OGFOD3: variants seen among roughly 807,000 people sequenced by gnomAD.
The protein encoded by OGFOD3 is 2-oxoglutarate and iron-dependent oxygenase domain-containing protein 3.
A neutral mutation model predicts 39.8 loss-of-function variants in OGFOD3; 35 were observed. That is an observed-to-expected ratio of 0.88 (90% CI 0.67 to 1.17). OGFOD3 has a LOEUF of 1.17. Ranked by LOEUF, OGFOD3 falls within the 50% of genes most tolerant of loss-of-function variation. OGFOD3 has a pLI of 0.00. For missense variants in OGFOD3, 438 were observed against 454.5 expected (o/e 0.96, Z 0.33); for synonymous variants, 200 against 192.0 (o/e 1.04, Z -0.34).
In OGFOD3 at chr17:82,406,073, C is replaced by T. The variant is rs1266039796; in HGVS notation, c.488+345G>A. Among the ~76,000 whole-genome samples, 1 of 152,172 alleles carries T rather than the reference C, an allele frequency of 6.6e-6. No individual in the cohort carries two copies. The highest frequency in any genetic ancestry group is 2.4e-5 in the African/African-American group (1 of 41,440). The stretch of plus-strand genomic sequence containing the variant: ...GCTCTCCCGGCCCCTCATGGAGCGT[C>T]AAAGGCCCCGTTGGATTCTTGGAAG... On this transcript the variant is annotated intron_variant, in intron 5 of 8. Coordinates refer to ENST00000313056, the MANE Select transcript of OGFOD3 (RefSeq NM_024648.3). The surrounding 1 kb of genome is among the most constrained non-coding windows in gnomAD (Gnocchi z 5.2).
At chr17:82,413,050 A>G (rs1221772364) in intron 2 of OGFOD3, among the ~76,000 whole-genome samples, 2 of 152,234 alleles carry the variant, frequency 1.3e-5, no homozygotes, top group Admixed American at 1.3e-4. Context: ...ACTTGGCTGA[A>G]TATCAGGGAA....
chr17:82,398,077 G>A (rs1480093638), intron 8 of OGFOD3, 119 bp downstream of exon 8: 4 of 1,294,208 alleles, frequency 3.1e-6, no homozygotes, highest in Non-Finnish European at 4.4e-6. Flanking sequence ...CTCAGCACCG[G>A]CCCGGCACAC....
intron 8 of OGFOD3, chr17:82,396,721 TGTGA>T (rs2052679213): frequency 6.6e-6 from 1 of 152,296 alleles, no homozygotes; most frequent in Non-Finnish European, 1.5e-5. Context: ...TCTTGTGCTC[TGTGA>T]GTTTTTCATT....
At position 82,404,232 on chromosome 17, in the gene OGFOD3, C is replaced by A; in HGVS notation, c.546-142G>T. On this transcript the variant is annotated intron_variant, in intron 6 of 8. Transcript: ENST00000313056. The surrounding 1 kb of genome is among the most constrained non-coding windows in gnomAD (Gnocchi z 4.5). ...CGGGGGCTCCCAAGCACACCGGGAA[C>A]AGATACCGGCTCCGCCTGGGAACGA... 2 of 938,290 alleles carry A rather than the reference C, an allele frequency of 2.1e-6. No individual in the cohort carries two copies. The highest frequency in any genetic ancestry group is 3.1e-6 in the Non-Finnish European group (2 of 647,200). 58.1% of individuals were successfully genotyped at this position (938,290 alleles called of 1,614,324 possible). A position where few individuals can be genotyped will look rare whatever the true frequency, so the allele number is the denominator to read the frequency against.
At chr17:82,394,819 G>A (rs1159068305) in intron 8 of OGFOD3, among the ~76,000 whole-genome samples, 4 of 152,306 alleles carry the variant, frequency 2.6e-5, no homozygotes, top group African/African-American at 4.8e-5. Flanking sequence ...GAGGCCAGCC[G>A]TGCCTGCACC....
chr17:82,418,456 CT>C lies in OGFOD3; in HGVS notation c.29del (p.Lys10ArgfsTer35), dbSNP rs1436596341. The C allele has an allele frequency of 6.1e-6, 9 of 1,475,922 alleles. No individual in the cohort carries two copies. In the East Asian group the frequency reaches 2.4e-4, roughly 39 times the overall value. The allele number at this position is 1,475,922 out of a possible 1,614,324, so 91.4% of individuals were successfully genotyped here. A position where few individuals can be genotyped will look rare whatever the true frequency, so the allele number is the denominator to read the frequency against. MAPQRRAAT[K>X]APEGNGAAER... ...CGGCCGCTCCGTTGCCCTCGGGCGC[CT>C]TGGTTGCGGCCCTCCGCTGAGGAGC... On this transcript the variant is annotated frameshift_variant, in exon 1 of 9. Transcript: ENST00000313056. LOFTEE classifies it high-confidence loss of function.
chr17:82,409,291 G>A, intron 4 of OGFOD3, 77 bp downstream of exon 4: 1 of 1,472,404 alleles, frequency 6.8e-7, no homozygotes, highest in South Asian at 1.1e-5. Flanking sequence ...CTGCATGTCT[G>A]TGCCTTCCCC....
chr17:82,403,777 C>T lies in OGFOD3; in HGVS notation c.699+160G>A, dbSNP rs1160456292. On this transcript the variant is annotated intron_variant, in intron 7 of 8. Transcript: ENST00000313056. ...TCCACATGCGCGCTCACCCTGCCCA[C>T]GTGCGTACTCACCCTGCCCACGTAC... The T allele has an allele frequency of 5.3e-6, 5 of 951,532 alleles. No homozygotes were observed. The East Asian group carries it at 8.0e-5, about 15-fold the overall frequency. 58.9% of individuals were successfully genotyped at this position (951,532 alleles called of 1,614,324 possible). A position where few individuals can be genotyped will look rare whatever the true frequency, so the allele number is the denominator to read the frequency against.
At chr17:82,399,940 C>T (rs980843896) in intron 7 of OGFOD3, among the ~76,000 whole-genome samples, 2 of 152,184 alleles carry the variant, frequency 1.3e-5, no homozygotes, top group Non-Finnish European at 2.9e-5. Flanking sequence ...CGCACCAGCG[C>T]GGAACTGGAC....
intron 8 of OGFOD3, chr17:82,394,634 C>T: frequency 9.5e-7 from 1 of 1,057,136 alleles, no homozygotes; most frequent in South Asian, 1.7e-5. Context: ...AGAGGCCTGG[C>T]CTTTGCCCCG....
At chr17:82,397,181 A>C (rs114998623) in intron 8 of OGFOD3, among the ~76,000 whole-genome samples, 1,711 of 152,076 alleles carry the variant, frequency 0.011, 32 homozygotes, top group African/African-American at 0.037. Flanking sequence ...CAAAATAAAC[A>C]AGCTGGAGAT....
intron 4 of OGFOD3, among the ~76,000 whole-genome samples, chr17:82,407,673 G>A (rs923823843): frequency 4.6e-5 from 7 of 152,172 alleles, no homozygotes; most frequent in Non-Finnish European, 8.8e-5. Context: ...CTGGCCCTGC[G>A]GCACTAACCT....
chr17:82,415,663 GGAGT>G lies in OGFOD3; in HGVS notation c.75-40_75-37del, dbSNP rs1567876430. 1 of 1,554,820 alleles carries G rather than the reference GGAGT, an allele frequency of 6.4e-7. No individual in the cohort carries two copies. Among genetic ancestry groups the G allele is most frequent in the African/African-American group, 1.4e-5 (1 of 73,456 alleles). ...AAAACAGGCCACGTCACCCAAACAC[GGAGT>G]GAGGCCAGAGAAAACGCTCCCCGAT... On this transcript the variant is annotated intron_variant, in intron 1 of 8. Transcript: ENST00000313056. This position sits in a 1 kb window ranked among gnomAD's most constrained non-coding sequence, Gnocchi z 5.3.
chr17:82,398,015 C>A (rs370675125), intron 8 of OGFOD3, among the ~76,000 whole-genome samples, 181 bp downstream of exon 8: 1 of 152,100 alleles, frequency 6.6e-6, no homozygotes, highest in African/African-American at 2.4e-5. Flanking sequence ...ACATGTGGCC[C>A]CGTAGACACC....
intron 2 of OGFOD3, among the ~76,000 whole-genome samples, chr17:82,414,042 C>CCACCTCCA (rs1240562983): frequency 3.3e-5 from 5 of 152,196 alleles, no homozygotes; most frequent in African/African-American, 9.7e-5. Flanking sequence ...GTCACTAGCA[C>CCACCTCCA]CACCTCCAGA....
rs192908926 is a variant in OGFOD3 at position 82,413,297 on chromosome 17, C to T, written c.305-1767G>A. On this transcript the variant is annotated intron_variant, in intron 2 of 8. Transcript: ENST00000313056. ...GGTCCCCCGCGGCACAGGAGCGACT[C>T]GGCAGGAAGGGGAAGGGGCAGCAGA... Among the ~76,000 whole-genome samples the T allele has an allele frequency of 5.2e-4, 79 of 152,246 alleles. 1 individual carries two copies. The East Asian group carries it at 0.014, about 26-fold the overall frequency.
intron 7 of OGFOD3, among the ~76,000 whole-genome samples, chr17:82,400,089 G>A (rs1478035782): frequency 6.6e-6 from 1 of 152,172 alleles, no homozygotes; most frequent in South Asian, 2.1e-4. Flanking sequence ...CTGGGAAGGA[G>A]AGCAGGATCA....
rs1379057086 is a variant in OGFOD3, at chr17:82,411,770, C to T, written c.305-240G>A. ...TTTAATCCAGAGGCACCTGTTGCTG[C>T]CCCAAACCCTGGGAAAGTCACAGAA... On this transcript the variant is annotated intron_variant, in intron 2 of 8. Coordinates refer to ENST00000313056, the MANE Select transcript of OGFOD3 (RefSeq NM_024648.3). 5 of 527,740 alleles carry T rather than the reference C, an allele frequency of 9.5e-6. No homozygotes were observed. In the East Asian group the frequency reaches 1.4e-4, roughly 14 times the overall value. 32.7% of individuals were successfully genotyped at this position (527,740 alleles called of 1,614,324 possible).
chr17:82,411,674 C>T lies in OGFOD3; in HGVS notation c.305-144G>A, dbSNP rs560796694. The T allele has an allele frequency of 6.3e-4, 398 of 636,396 alleles. 8 individuals carry two copies. In the South Asian group the frequency reaches 6.5e-3, roughly 10 times the overall value. 39.4% of individuals were successfully genotyped at this position (636,396 alleles called of 1,614,324 possible). A position where few individuals can be genotyped will look rare whatever the true frequency, so the allele number is the denominator to read the frequency against. ...CAACCACAGCTCTCCAGCGTGCATGCGCTTTGTGCGGTGCATCTGGAGTTC... is the reference window on the plus strand; with the variant it reads ...CAACCACAGCTCTCCAGCGTGCATGTGCTTTGTGCGGTGCATCTGGAGTTC... On this transcript the variant is annotated intron_variant, in intron 2 of 8. Transcript: ENST00000313056.
Sources: gnomAD v4.1 joint callset for allele counts (sites outside exome capture counted in the v4.1 genomes callset) on GRCh38, gnomAD v4.1.1 for gene constraint, Gnocchi (gnomAD v3.1) non-coding constraint, MANE v1.5 for transcripts, NCBI Gene and HGNC (gene_info 2026-07-23, HGNC 2026-07-21) for gene names.